Variants in CARD10 observed in about 807,000 individuals in gnomAD.
The protein encoded by CARD10 is caspase recruitment domain family member 10, also known as caspase recruitment domain-containing protein 10.
A neutral mutation model predicts 114.6 loss-of-function variants in CARD10; 49 were observed. The observed-to-expected ratio is 0.43, with a 90% CI of 0.34 to 0.54. CARD10 has a LOEUF of 0.54. CARD10 is among the 20% of genes least tolerant of loss of function. The pLI, the probability that CARD10 is intolerant of heterozygous loss-of-function variation, is 0.03. For synonymous variants in CARD10, 602 were observed against 593.2 expected (o/e 1.01, Z -0.21); for missense variants, 1,206 against 1,397.2 (o/e 0.86, Z 2.18).
chr22:37,491,088 A>G lies in CARD10; in HGVS notation c.*71T>C. ...AGGGTCTAGGAAGGCTCAGGGTGGGAGGGCCCAGCTTCACCATAGACACCA... is the reference window on the plus strand; with the variant it reads ...AGGGTCTAGGAAGGCTCAGGGTGGGGGGGCCCAGCTTCACCATAGACACCA... On this transcript the variant is annotated 3_prime_UTR_variant, in exon 20 of 20. Transcript: ENST00000251973. The G allele has an allele frequency of 8.0e-7, 1 of 1,247,002 alleles. No homozygotes were observed. Among genetic ancestry groups the G allele is most frequent in the Non-Finnish European group, 1.1e-6 (1 of 883,574 alleles). The allele number at this position is 1,247,002 out of a possible 1,614,324, so 77.2% of individuals were successfully genotyped here. A position where few individuals can be genotyped will look rare whatever the true frequency, so the allele number is the denominator to read the frequency against.
intron 4 of CARD10, among the ~76,000 whole-genome samples, chr22:37,509,586 C>T (rs1372059914): frequency 6.7e-6 from 1 of 148,232 alleles, no homozygotes; most frequent in Admixed American, 6.7e-5. Context: ...CCCACCCCCA[C>T]TCCATGTCCA....
rs571879481 is a variant in CARD10 at position 37,506,382 on chromosome 22, G to C, written c.1193C>G (p.Ala398Gly). 6.4e-7 allele frequency: 1 copy of C among 1,562,628 alleles called. No individual in the cohort carries two copies. Among genetic ancestry groups the C allele is most frequent in the Non-Finnish European group, 8.7e-7 (1 of 1,147,902 alleles). ...LEEIEKERDQ[A>G]IQSRDRIQLQ... The stretch of plus-strand genomic sequence containing the variant: ...CTGGATCCGGTCACGGCTCTGGATG[G>C]CCTAGGGTTGGGGGAGGGGAGGCAG... Residue 398 changes from alanine to glycine, a missense_variant and splice_region_variant, in exon 7 of 20, where the codon GCC becomes GGC. Coordinates refer to ENST00000251973, the MANE Select transcript of CARD10 (RefSeq NM_014550.4).
chr22:37,491,418 G>T, intron 19 of CARD10, 25 bp from the exon 20 acceptor site: 2 of 1,435,146 alleles, frequency 1.4e-6, no homozygotes, highest in Middle Eastern at 1.9e-4. Context: ...GTGAGCAGCG[G>T]TCAAAGTGGG....
Position 37,496,721 on chromosome 22 carries a change from T to C in CARD10, c.1948-161A>G. On this transcript the variant is annotated intron_variant, in intron 12 of 19. Transcript: ENST00000251973. This position sits in a 1 kb window ranked among gnomAD's most constrained non-coding sequence, Gnocchi z 4.1. ...CCCAGCCCAGTCAGACCCGTCCCCA[T>C]CCACAGGACGCCCCCATCCACAGGA... 4 of 657,080 alleles carry C rather than the reference T, an allele frequency of 6.1e-6. No homozygotes were observed. The highest frequency in any genetic ancestry group is 5.4e-5 in the South Asian group (3 of 55,962). The allele number at this position is 657,080 out of a possible 1,614,324, so 40.7% of individuals were successfully genotyped here.
intron 3 of CARD10, among the ~76,000 whole-genome samples, chr22:37,513,665 G>C (rs954073186): frequency 2.6e-5 from 4 of 152,100 alleles, no homozygotes; most frequent in African/African-American, 9.7e-5. Context: ...TCTCTAAGCA[G>C]TAAATTATTT....
rs1923279300 is a variant in CARD10 at position 37,503,187 on chromosome 22, G to A, written c.1661C>T (p.Thr554Ile). 6.2e-7 allele frequency: 1 copy of A among 1,611,280 alleles called. No homozygotes were observed. Among genetic ancestry groups the A allele is most frequent in the African/African-American group, 1.3e-5 (1 of 74,776 alleles). The change falls in exon 10 of 20, where the codon ACA becomes ATA. Residue 554 changes from threonine to isoleucine, a missense_variant and splice_region_variant. By Grantham distance (89) the Thr-to-Ile change is moderately conservative. Coordinates refer to ENST00000251973, the MANE Select transcript of CARD10 (RefSeq NM_014550.4). ...CCACGGAACTCAAGGGCTGTTACCT[G>A]TGATGTCTGACATGCTGCTGAAGGA... ...KRSFSSMSDI[T>I]GSVTLKPWSP...
rs1228261913 is a variant in CARD10, at chr22:37,511,293, G to A, written c.700-872C>T. On this transcript the variant is annotated intron_variant, in intron 3 of 19. Transcript: ENST00000251973. ...AATCACTTGAGCTTTGGGAGGTTGA[G>A]GCTGCAGTGAACCATAATCGTGCCA... Among the ~76,000 whole-genome samples, 3 of 149,284 alleles carry A rather than the reference G, an allele frequency of 2.0e-5. No homozygotes were observed. The East Asian group carries it at 5.9e-4, about 29-fold the overall frequency.
At chr22:37,512,880 G>A (rs1482298136) in intron 3 of CARD10, among the ~76,000 whole-genome samples, 10 of 152,098 alleles carry the variant, frequency 6.6e-5, no homozygotes, top group East Asian at 1.9e-4. Context: ...AGTTTATGTT[G>A]CTTAGAAATA....
Position 37,519,186 on chromosome 22 carries a change from C to T in CARD10, c.15G>A (p.Ala5=). The change falls in exon 1 of 20, where the codon GCG becomes GCA. Residue 5 remains alanine (A), a synonymous_variant. Coordinates refer to ENST00000251973, the MANE Select transcript of CARD10 (RefSeq NM_014550.4). The surrounding 1 kb of genome is among the most constrained non-coding windows in gnomAD (Gnocchi z 4.1). The part of the protein sequence containing the change: MPGR[A]EAGEAEEEAG... ...CCTCCTCCTCGGCCTCCCCCGCCTC[C>T]GCCCGGCCCGGCATGGCCGTGTCCT... 6.5e-7 allele frequency: 1 copy of T among 1,531,280 alleles called. No individual in the cohort carries two copies. Among genetic ancestry groups the T allele is most frequent in the Non-Finnish European group, 8.7e-7 (1 of 1,144,474 alleles). The allele number at this position is 1,531,280 out of a possible 1,614,324, so 94.9% of individuals were successfully genotyped here. A position where few individuals can be genotyped will look rare whatever the true frequency, so the allele number is the denominator to read the frequency against.
intron 16 of CARD10, among the ~76,000 whole-genome samples, chr22:37,493,438 C>G (rs559895222): frequency 6.6e-6 from 1 of 152,196 alleles, no homozygotes; most frequent in South Asian, 2.1e-4. Flanking sequence ...CTCTCTACCC[C>G]CTAATTAGAC....
chr22:37,504,924 G>T (rs1337976283), intron 7 of CARD10, among the ~76,000 whole-genome samples, 155 bp from the exon 8 acceptor site: 3 of 152,202 alleles, frequency 2.0e-5, no homozygotes, highest in Non-Finnish European at 4.4e-5. Context: ...TAAACCAGCA[G>T]ACATGTGAAC....
chr22:37,508,666 C>T lies in CARD10; in HGVS notation c.926G>A (p.Gly309Glu). The T allele has an allele frequency of 1.9e-6, 3 of 1,569,660 alleles. No individual in the cohort carries two copies. Among genetic ancestry groups the T allele is most frequent in the Non-Finnish European group, 8.6e-7 (1 of 1,161,892 alleles). ...CAGGATGCGCTCGGAGCCCGGGGCCCCCGGCCGGCTCGCCTCCTGGGGATC... is the reference window on the plus strand; with the variant it reads ...CAGGATGCGCTCGGAGCCCGGGGCCTCCGGCCGGCTCGCCTCCTGGGGATC... Reference protein sequence around the residue: ...EGLQQEASRPGAPGSERILLD... With the variant: ...EGLQQEASRPEAPGSERILLD... The change falls in exon 5 of 20, where the codon GGG becomes GAG. Residue 309 changes from glycine to glutamate, a missense_variant. Physicochemically the swap from Gly to Glu is moderately conservative, Grantham distance 98. This residue lies in a region of CARD10 where 1,068 missense variants were observed against 1,179.1 expected (regional missense o/e 0.91). Transcript: ENST00000251973.
intron 11 of CARD10, among the ~76,000 whole-genome samples, chr22:37,499,699 C>G (rs1923142855): frequency 6.6e-6 from 1 of 152,208 alleles, no homozygotes; most frequent in Non-Finnish European, 1.5e-5. Flanking sequence ...AGTGACTTCT[C>G]TGAGCCTCCA....
At position 37,503,234 on chromosome 22, in the gene CARD10, GA is replaced by G. The variant is rs768518949; in HGVS notation, c.1635-22del. On this transcript the variant is annotated intron_variant, in intron 9 of 19. Transcript: ENST00000251973. ...AGGATCTGGGCAGAGAGAGGGCAGG[GA>G]GGGGGCAGGAGGTGAGGCACAGTGG... is the stretch of plus-strand genomic sequence containing the variant. 3.7e-6 allele frequency: 6 copies of G among 1,606,478 alleles called. No homozygotes were observed. In the African/African-American group the frequency reaches 6.7e-5, roughly 18 times the overall value.
chr22:37,519,051 A>T lies in CARD10; in HGVS notation c.150T>A (p.Tyr50Ter). Residue 50 changes from tyrosine (Y) to a stop codon, truncating the protein, a stop_gained, in exon 1 of 20, where the codon TAT (tyrosine) becomes TAA (stop). Coordinates refer to ENST00000251973, the MANE Select transcript of CARD10 (RefSeq NM_014550.4). LOFTEE classifies it high-confidence loss of function. The surrounding 1 kb of genome is among the most constrained non-coding windows in gnomAD (Gnocchi z 4.1). ...RALNPAKLTPYLRQCRVIDEQ... is the reference protein window; with the variant it reads ...RALNPAKLTP ...CGTCGATGACCCGGCACTGGCGCAG[A>T]TACGGCGTGAGCTTGGCCGGGTTCA... is the stretch of plus-strand genomic sequence containing the variant. The T allele has an allele frequency of 6.3e-7, 1 of 1,595,512 alleles. No homozygotes were observed.
chr22:37,513,008 A>G (rs738299), intron 3 of CARD10, among the ~76,000 whole-genome samples: 29,110 of 152,222 alleles, frequency 0.19, 4,239 homozygotes, highest in African/African-American at 0.42. Flanking sequence ...TGCTCTGTTC[A>G]GATCCATCTG....
chr22:37,519,340 C>T lies in CARD10; in HGVS notation c.-140G>A. ...GGCGCGCCCCGAGCTCCCCGCGACT[C>T]ACCCCGCACGCTACAGTCGCCTCGG... On this transcript the variant is annotated 5_prime_UTR_variant, in exon 1 of 20. Transcript: ENST00000251973. The surrounding 1 kb of genome is among the most constrained non-coding windows in gnomAD (Gnocchi z 4.1). The T allele has an allele frequency of 2.3e-6, 3 of 1,316,068 alleles. No homozygotes were observed. The highest frequency in any genetic ancestry group is 2.9e-6 in the Non-Finnish European group (3 of 1,035,190). The allele number at this position is 1,316,068 out of a possible 1,614,324, so 81.5% of individuals were successfully genotyped here. A position where few individuals can be genotyped will look rare whatever the true frequency, so the allele number is the denominator to read the frequency against.
Position 37,496,986 on chromosome 22 carries a change from C to A in CARD10, c.1947+33G>T, listed in dbSNP as rs1923027079. The A allele has an allele frequency of 6.4e-7, 1 of 1,564,444 alleles. No homozygotes were observed. The highest frequency in any genetic ancestry group is 1.4e-5 in the African/African-American group (1 of 73,358). ...GTCCAGCCTGGGCAAAAGCACTGAC[C>A]CTACCCCCCCAGCTCAGGAGGCAGG... On this transcript the variant is annotated intron_variant, in intron 12 of 19. Coordinates refer to ENST00000251973, the MANE Select transcript of CARD10 (RefSeq NM_014550.4). The surrounding 1 kb of genome is among the most constrained non-coding windows in gnomAD (Gnocchi z 4.1).
At position 37,495,524 on chromosome 22, in the gene CARD10, C is replaced by G. The variant is rs776297419; in HGVS notation, c.2366G>C (p.Arg789Pro). 6.2e-7 allele frequency: 1 copy of G among 1,611,138 alleles called. No homozygotes were observed. The highest frequency in any genetic ancestry group is 1.7e-5 in the Admixed American group (1 of 59,594). The change falls in exon 15 of 20, where the codon CGC becomes CCC. Residue 789 changes from arginine (R) to proline (P), a missense_variant. This residue lies in a region of CARD10 where 1,068 missense variants were observed against 1,179.1 expected (regional missense o/e 0.91). Transcript: ENST00000251973. ...CTGCCCAGCCGTGCTCACATTACTG[C>G]GGGGGCCTCGGTGCCGGCTGGAGGG... ...CLPSSRHRGP[R>P]SNLKKRALDQ... is the part of the protein sequence containing the mutation.
Sources: allele counts gnomAD v4.1 joint callset (sites outside exome capture counted in the v4.1 genomes callset), GRCh38; gene constraint gnomAD v4.1.1; regional missense constraint gnomAD v4.1.1; non-coding constraint Gnocchi (gnomAD v3.1); transcripts MANE v1.5; gene names NCBI Gene and HGNC (gene_info 2026-07-23, HGNC 2026-07-21).